The following JADE3 variants were observed in gnomAD, a reference collection of about 807,000 sequenced individuals.
JADE3 encodes the protein jade family PHD finger 3.
JADE3 carries 2 observed loss-of-function variants against 50.1 expected under a neutral mutation model. That is an observed-to-expected ratio of 0.04 (90% confidence interval 0.02 to 0.13). The LOEUF (loss-of-function observed/expected upper bound fraction) is 0.13. JADE3 is among the 10% of genes least tolerant of loss of function. The probability of loss-of-function intolerance (pLI) is 1.00; values close to 1 mark genes in which losing one functional copy is unlikely to be tolerated. For synonymous variants in JADE3, 218 were observed against 232.9 expected, an observed-to-expected ratio of 0.94 and a Z score of 0.58; for missense variants, 475 against 634.4, an observed-to-expected ratio of 0.75 and a Z score of 2.70.
chrX:46,962,107 C>T (rs192986529), intron 1 of JADE3, among the ~76,000 whole-genome samples: 4 of 111,238 alleles, frequency 3.6e-5, no homozygotes, highest in Non-Finnish European at 3.8e-5. Flanking sequence ...GAAGCACCTG[C>T]GCCTCCTCAC....
intron 4 of JADE3, among the ~76,000 whole-genome samples, chrX:47,023,124 A>T (rs992002721): frequency 9.0e-6 from 1 of 111,606 alleles, no homozygotes; most frequent in Non-Finnish European, 1.9e-5. Flanking sequence ...TTTCCCTTCA[A>T]CTTTTAAGTT....
chrX:46,998,345 A>G (rs1928187505), intron 4 of JADE3, 68 bp downstream of exon 4: 1 of 994,292 alleles, frequency 1.0e-6, no homozygotes, highest in African/African-American at 1.9e-5. Flanking sequence ...GCTTGGGGAG[A>G]AACTTAGAGT....
At chrX:46,933,928 G>C (rs1313798223) in intron 1 of JADE3, among the ~76,000 whole-genome samples, 12 of 111,126 alleles carry the variant, frequency 1.1e-4, no homozygotes, top group African/African-American at 3.3e-4. Flanking sequence ...ACCCATCAGA[G>C]AGAAGTATTT....
chrX:47,045,354 A>C (rs972380601), intron 8 of JADE3, among the ~76,000 whole-genome samples: 14 of 112,786 alleles, frequency 1.2e-4, no homozygotes, highest in Non-Finnish European at 2.3e-4. Context: ...GCAAGAAGAT[A>C]GAACAGTTGT....
Position 47,058,946 on chromosome X carries a change from G to A in JADE3, c.2341G>A (p.Asp781Asn). ...GCTGAGTGATTCAGAGGCAGAAAGT[G>A]ATGGGAATAAAGAAAAAGTCAGGGT... ...LELSDSEAES[D>N]GNKEKVRVRK... Residue 781 changes from aspartate (D) to asparagine (N), a missense_variant, in exon 11 of 11, where the codon GAT (aspartate) becomes AAT (asparagine). By Grantham distance (23) the Asp-to-Asn change is conservative. Coordinates refer to ENST00000614628, the MANE Select transcript of JADE3 (RefSeq NM_014735.5). The A allele has an allele frequency of 8.3e-7, 1 of 1,211,248 alleles. No individual in the cohort carries two copies. Among genetic ancestry groups the A allele is most frequent in the African/African-American group, 1.7e-5 (1 of 57,759 alleles).
At chrX:47,009,877 G>A (rs1347780901) in intron 4 of JADE3, among the ~76,000 whole-genome samples, 12 of 109,240 alleles carry the variant, frequency 1.1e-4, no homozygotes, top group Admixed American at 8.9e-4. Flanking sequence ...CTCCCACCTC[G>A]GCCTCCCAAA....
chrX:46,926,822 G>A (rs2147105470), intron 1 of JADE3, among the ~76,000 whole-genome samples: 1 of 112,357 alleles, frequency 8.9e-6, no homozygotes, highest in Admixed American at 9.4e-5. Context: ...CATCCAAGTT[G>A]TATATATCAA....
chrX:46,957,260 T>TAGATAG (rs1569535285), intron 1 of JADE3, among the ~76,000 whole-genome samples: 2 of 61,727 alleles, frequency 3.2e-5, no homozygotes, highest in African/African-American at 1.2e-4. Context: ...TAGATAGATA[T>TAGATAG]AAACGATATA....
chrX:46,936,077 G>A (rs1926617471), intron 1 of JADE3, among the ~76,000 whole-genome samples: 1 of 104,576 alleles, frequency 9.6e-6, no homozygotes, highest in Non-Finnish European at 1.9e-5. Context: ...GGAGTGCAGT[G>A]GCACGATCTT....
At chrX:47,018,419 C>T (rs937208358) in intron 4 of JADE3, among the ~76,000 whole-genome samples, 20 of 109,867 alleles carry the variant, frequency 1.8e-4, no homozygotes, top group African/African-American at 6.3e-4. Context: ...CTGCAAGCTC[C>T]GCCTCCCGGG....
chrX:46,970,029 A>G (rs781963148), intron 1 of JADE3, among the ~76,000 whole-genome samples: 53 of 112,078 alleles, frequency 4.7e-4, no homozygotes, highest in South Asian at 1.1e-3. Context: ...ATGTAATCAA[A>G]AACAGAAAAA....
At chrX:47,046,765 C>T (rs1185379944) in intron 8 of JADE3, among the ~76,000 whole-genome samples, 1 of 112,267 alleles carries the variant, frequency 8.9e-6, no homozygotes, top group East Asian at 2.8e-4. Flanking sequence ...AACGATCATA[C>T]GGTTTTTGTC....
chrX:47,058,258 A>G lies in JADE3; in HGVS notation c.1653A>G (p.Glu551=). Residue 551 remains glutamate, a synonymous_variant, in exon 11 of 11, where the codon GAA becomes GAG. Coordinates refer to ENST00000614628, the MANE Select transcript of JADE3 (RefSeq NM_014735.5). The part of the protein sequence containing the change: ...LKLKMPKSTP[E]DHRNSSTETD... ...TAAAAATGCCCAAATCAACCCCAGAAGACCACAGAAACAGCTCCACAGAAA... is the reference window on the plus strand; with the variant it reads ...TAAAAATGCCCAAATCAACCCCAGAGGACCACAGAAACAGCTCCACAGAAA... The G allele has an allele frequency of 5.0e-6, 6 of 1,210,861 alleles. No individual in the cohort carries two copies. The highest frequency in any genetic ancestry group is 6.7e-6 in the Non-Finnish European group (6 of 894,985).
At chrX:47,032,294 T>A (rs782421994) in intron 6 of JADE3, among the ~76,000 whole-genome samples, 3 of 111,866 alleles carry the variant, frequency 2.7e-5, no homozygotes, top group South Asian at 3.7e-4. Flanking sequence ...TATAGCCACA[T>A]ACAGTCTCTG....
intron 1 of JADE3, among the ~76,000 whole-genome samples, chrX:46,970,310 G>A (rs966567075): frequency 8.9e-5 from 10 of 112,430 alleles, no homozygotes. Flanking sequence ...TTCAAAGTCA[G>A]TACTGACTTG....
intron 1 of JADE3, among the ~76,000 whole-genome samples, chrX:46,944,497 G>A (rs1394961420): frequency 2.7e-5 from 3 of 109,621 alleles, no homozygotes; most frequent in Non-Finnish European, 5.7e-5. Flanking sequence ...TAGTAGAGAT[G>A]GGGTTTCACC....
At chrX:47,014,038 A>G (rs1202446298) in intron 4 of JADE3, among the ~76,000 whole-genome samples, 1 of 111,711 alleles carries the variant, frequency 9.0e-6, no homozygotes, top group African/African-American at 3.3e-5. Flanking sequence ...TGTCTTCAGG[A>G]TTGTACTCAT....
At position 46,998,226 on chromosome X, in the gene JADE3, A is replaced by G; in HGVS notation, c.233A>G (p.Lys78Arg). 8.3e-7 allele frequency: 1 copy of G among 1,207,203 alleles called. No individual in the cohort carries two copies. Among genetic ancestry groups the G allele is most frequent in the South Asian group, 1.8e-5 (1 of 56,779 alleles). ...FADTWKEEWE[K>R]GVQVPASPDT... ...GATACATGGAAGGAAGAATGGGAAAAGGGAGTCCAGGTACCAGCCAGTCCA... is the reference window on the plus strand; with the variant it reads ...GATACATGGAAGGAAGAATGGGAAAGGGGAGTCCAGGTACCAGCCAGTCCA... Residue 78 changes from lysine to arginine, a missense_variant, in exon 4 of 11, where the codon AAG becomes AGG. By Grantham distance (26) the Lys-to-Arg change is conservative (BLOSUM62 2). Around this residue, in one of 6 missense-constraint regions of JADE3, gnomAD observed 12 missense variants for 35.0 expected, o/e 0.34. Coordinates refer to ENST00000614628, the MANE Select transcript of JADE3 (RefSeq NM_014735.5).
chrX:46,978,804 T>G (rs1927679617), intron 1 of JADE3, among the ~76,000 whole-genome samples: 1 of 111,754 alleles, frequency 8.9e-6, no homozygotes, highest in Non-Finnish European at 1.9e-5. Flanking sequence ...GCCATGTTGC[T>G]CTAAGCATGT....
Sources: allele counts gnomAD v4.1 joint callset (sites outside exome capture counted in the v4.1 genomes callset), GRCh38; gene constraint gnomAD v4.1.1; regional missense constraint gnomAD v4.1.1; transcripts MANE v1.5; gene names NCBI Gene and HGNC (gene_info 2026-07-23, HGNC 2026-07-21).